Variants in LRRC7 observed in about 807,000 individuals in gnomAD.
The protein encoded by LRRC7 is leucine-rich repeat-containing protein 7.
Under a neutral mutation model 175.7 loss-of-function variants are expected in LRRC7, and 23 were observed. The observed-to-expected ratio is 0.13, with a 90% CI of 0.09 to 0.19. The LOEUF (loss-of-function observed/expected upper bound fraction) is 0.19, where lower values mean the gene tolerates loss of function less well. Among genes scored for constraint, LRRC7 ranks in the 10% least tolerant of loss-of-function variants. The probability of loss-of-function intolerance (pLI) is 1.00; values close to 1 mark genes in which losing one functional copy is unlikely to be tolerated. For missense variants in LRRC7, 1,354 were observed against 1,904.7 expected (o/e 0.71, Z 5.38); for synonymous variants, 685 against 680.9 (o/e 1.01, Z -0.09).
chr1:69,775,529 T>C (rs1303450131), intron 3 of LRRC7, among the ~76,000 whole-genome samples: 1 of 152,166 alleles, frequency 6.6e-6, no homozygotes, highest in Non-Finnish European at 1.5e-5. Context: ...ACTCTTAACT[T>C]GTTACAGAAA....
intron 8 of LRRC7, among the ~76,000 whole-genome samples, chr1:69,979,755 T>C (rs1236607600): frequency 6.6e-6 from 1 of 152,100 alleles, no homozygotes; most frequent in Non-Finnish European, 1.5e-5. Context: ...AGGTGGTAGC[T>C]TGGGGACTGA....
At chr1:69,725,275 GT>G (rs1339903945) in intron 2 of LRRC7, among the ~76,000 whole-genome samples, 1 of 152,048 alleles carries the variant, frequency 6.6e-6, no homozygotes, top group African/African-American at 2.4e-5. Context: ...AAGAGAAGAG[GT>G]TGCTCTTTCC....
chr1:69,802,090 T>G (rs1557748369), intron 4 of LRRC7, among the ~76,000 whole-genome samples: 1 of 151,596 alleles, frequency 6.6e-6, no homozygotes, highest in Non-Finnish European at 1.5e-5. Flanking sequence ...ATACTTAATA[T>G]GATTTCACTT....
At chr1:69,822,540 T>C (rs905086067) in intron 4 of LRRC7, among the ~76,000 whole-genome samples, 1 of 152,156 alleles carries the variant, frequency 6.6e-6, no homozygotes, top group African/African-American at 2.4e-5. Context: ...TCCTAGCCTT[T>C]CCCAGCCACT....
chr1:69,614,421 T>C (rs754958444), intron 1 of LRRC7, among the ~76,000 whole-genome samples: 2 of 152,088 alleles, frequency 1.3e-5, no homozygotes, highest in African/African-American at 2.4e-5. Flanking sequence ...CTGGAGTACA[T>C]GATAACTGTG....
chr1:70,023,300 C>G lies in LRRC7; in HGVS notation c.1720C>G (p.Gln574Glu), dbSNP rs1174062344. The G allele has an allele frequency of 1.9e-6, 3 of 1,613,604 alleles. No homozygotes were observed. In the South Asian group the frequency reaches 3.3e-5, roughly 18 times the overall value. ...LAWGCISGLQQERSMCTPLPV... is the reference protein window; with the variant it reads ...LAWGCISGLQEERSMCTPLPV... ...ATGGGGTTGTATAAGTGGCCTCCAG[C>G]AGGAAAGGAGCATGTGTACTCCATT... The change falls in exon 17 of 27, where the codon CAG (glutamine) becomes GAG (glutamate). Residue 574 changes from glutamine to glutamate, a missense_variant. By Grantham distance (29) the Gln-to-Glu change is conservative. Around this residue, in one of 4 missense-constraint regions of LRRC7, gnomAD observed 1,032 missense variants for 1,227.2 expected, o/e 0.84. Coordinates refer to ENST00000651989, the MANE Select transcript of LRRC7 (RefSeq NM_001370785.2).
intron 1 of LRRC7, among the ~76,000 whole-genome samples, chr1:69,615,571 A>C (rs2100280462): frequency 6.6e-6 from 1 of 152,232 alleles, no homozygotes; most frequent in Admixed American, 6.6e-5. Context: ...AAGACTTTTT[A>C]AAATTTAAGC....
chr1:69,618,062 T>C (rs1649967176), intron 1 of LRRC7, among the ~76,000 whole-genome samples: 1 of 152,034 alleles, frequency 6.6e-6, no homozygotes, highest in South Asian at 2.1e-4. Context: ...ACTACGGTGG[T>C]GGTGGTTTAA....
chr1:69,930,477 AT>A (rs1647263085), intron 7 of LRRC7, among the ~76,000 whole-genome samples: 1 of 152,168 alleles, frequency 6.6e-6, no homozygotes. Context: ...CAGAATTCTG[AT>A]TAGTGGAGAG....
chr1:69,717,807 AAAG>A (rs1665611489), intron 2 of LRRC7, among the ~76,000 whole-genome samples: 1 of 42,978 alleles, frequency 2.3e-5, no homozygotes, highest in Non-Finnish European at 4.1e-5. Flanking sequence ...AGAAAGAAAG[AAAG>A]AAAGAAAGAA....
intron 1 of LRRC7, among the ~76,000 whole-genome samples, chr1:69,659,928 A>G (rs1404259583): frequency 4.0e-5 from 6 of 150,986 alleles, no homozygotes; most frequent in Non-Finnish European, 7.4e-5. Context: ...CAAAATCTGT[A>G]TAAATAGCAC....
At position 69,763,002 on chromosome 1, in the gene LRRC7, A is replaced by T. The variant is rs548376057; in HGVS notation, c.303+2609A>T. Reference sequence around the variant, plus strand: ...TAGTTTCCCTTAAAGTATCTGATATATTGAAATATGATCTAATGATCTGAT... The same window carrying T: ...TAGTTTCCCTTAAAGTATCTGATATTTTGAAATATGATCTAATGATCTGAT... On this transcript the variant is annotated intron_variant, in intron 3 of 26. Coordinates refer to ENST00000651989, the MANE Select transcript of LRRC7 (RefSeq NM_001370785.2). 7.9e-5 allele frequency among the ~76,000 whole-genome samples: 12 copies of T among 152,154 alleles called. No individual in the cohort carries two copies. The South Asian group carries it at 1.2e-3, about 16-fold the overall frequency.
chr1:69,621,926 A>G (rs942214109), intron 1 of LRRC7, among the ~76,000 whole-genome samples: 4 of 152,164 alleles, frequency 2.6e-5, no homozygotes, highest in African/African-American at 9.7e-5. Flanking sequence ...CCAAAGCTTT[A>G]CCAGATTATT....
intron 8 of LRRC7, among the ~76,000 whole-genome samples, chr1:69,952,160 A>C (rs1650007449): frequency 6.6e-6 from 1 of 152,076 alleles, no homozygotes. Context: ...GTTATATAAT[A>C]TAACTAATTA....
chr1:69,976,077 A>C (rs761111150), intron 8 of LRRC7, among the ~76,000 whole-genome samples: 1 of 151,810 alleles, frequency 6.6e-6, no homozygotes, highest in South Asian at 2.1e-4. Context: ...TTTTCTTCTT[A>C]TTTATCTTCA....
chr1:69,835,180 C>A (rs1680965729), intron 6 of LRRC7, among the ~76,000 whole-genome samples: 1 of 151,276 alleles, frequency 6.6e-6, no homozygotes, highest in Non-Finnish European at 1.5e-5. Flanking sequence ...TTGAGAAATA[C>A]CTTTATAGGC....
chr1:69,586,197 C>A (rs1418418811), intron 1 of LRRC7, among the ~76,000 whole-genome samples: 3 of 152,166 alleles, frequency 2.0e-5, no homozygotes, highest in Non-Finnish European at 4.4e-5. Context: ...TAAAAGACTT[C>A]TTTCCTTGTC....
intron 11 of LRRC7, among the ~76,000 whole-genome samples, chr1:69,997,461 G>T (rs1246523130): frequency 6.6e-6 from 1 of 151,342 alleles, no homozygotes; most frequent in Non-Finnish European, 1.5e-5. Context: ...GTGAGAGAGG[G>T]CATCCCTGTC....
At chr1:69,596,053 A>G (rs139055235) in intron 1 of LRRC7, among the ~76,000 whole-genome samples, 149 of 149,738 alleles carry the variant, frequency 1.0e-3, no homozygotes, top group African/African-American at 2.8e-3. Context: ...TTAATCACTC[A>G]CAGGACGATG....
Sources: allele counts gnomAD v4.1 joint callset (sites outside exome capture counted in the v4.1 genomes callset), GRCh38; gene constraint gnomAD v4.1.1; regional missense constraint gnomAD v4.1.1; transcripts MANE v1.5; gene names NCBI Gene and HGNC (gene_info 2026-07-23, HGNC 2026-07-21).